The following MAP2K4 variants were observed in gnomAD, a reference collection of about 807,000 sequenced individuals.
The protein encoded by MAP2K4 is dual specificity mitogen-activated protein kinase kinase 4.
In MAP2K4, 4 loss-of-function variants were observed where a neutral mutation model predicts 48.5. The observed-to-expected ratio is 0.08, with a 90% confidence interval of 0.04 to 0.19. MAP2K4 has a LOEUF of 0.19. Ranked by LOEUF, MAP2K4 falls within the 10% of genes least tolerant of loss-of-function variation. The pLI is 1.00. For missense variants in MAP2K4, 258 were observed against 493.3 expected, an observed-to-expected ratio of 0.52 and a Z score of 4.52; for synonymous variants, 166 against 173.1, an observed-to-expected ratio of 0.96 and a Z score of 0.32.
intron 6 of MAP2K4, among the ~76,000 whole-genome samples, chr17:12,111,159 T>C (rs1390243238): frequency 2.0e-5 from 3 of 152,152 alleles, no homozygotes; most frequent in Non-Finnish European, 4.4e-5. Context: ...AGTGGCAGTG[T>C]GTGATTTAGC....
intron 7 of MAP2K4, among the ~76,000 whole-genome samples, chr17:12,114,530 A>G (rs948445177): frequency 6.6e-6 from 1 of 152,146 alleles, no homozygotes; most frequent in African/African-American, 2.4e-5. Flanking sequence ...CGTGATAACT[A>G]GGGATAAATG....
intron 7 of MAP2K4, chr17:12,125,088 G>T: frequency 1.8e-6 from 1 of 547,422 alleles, no homozygotes; most frequent in Non-Finnish European, 3.3e-6. Context: ...GAATTGCTTA[G>T]TGTTCTCTTT....
chr17:12,109,626 G>C (rs1332414566), intron 5 of MAP2K4, among the ~76,000 whole-genome samples: 1 of 152,186 alleles, frequency 6.6e-6, no homozygotes, highest in Non-Finnish European at 1.5e-5. Flanking sequence ...AATTCCCACA[G>C]TGGTGAACAG....
rs955821984 is a variant in MAP2K4 at position 12,081,656 on chromosome 17, C to G, written c.393+126C>G. 4.4e-6 allele frequency: 4 copies of G among 916,964 alleles called. No homozygotes were observed. The highest frequency in any genetic ancestry group is 3.3e-6 in the Non-Finnish European group (2 of 603,178). The allele number at this position is 916,964 out of a possible 1,614,324, so 56.8% of individuals were successfully genotyped here. On this transcript the variant is annotated intron_variant, in intron 3 of 10. Transcript: ENST00000353533. The surrounding 1 kb of genome is among the most constrained non-coding windows in gnomAD (Gnocchi z 4.2). ...GTGGGTGTTTAAAAAATTGTTTCTC[C>G]AACTCCTTTGAGGGTGTTCTGTGTA... is the stretch of plus-strand genomic sequence containing the variant.
chr17:12,107,382 CTT>C (rs71367383), intron 4 of MAP2K4, among the ~76,000 whole-genome samples: 22 of 106,390 alleles, frequency 2.1e-4, no homozygotes, highest in African/African-American at 3.6e-4. Context: ...TGTCTTTTTC[CTT>C]TTTTTTTTTT....
At position 12,104,564 on chromosome 17, in the gene MAP2K4, T is replaced by A. The variant is rs28923205; in HGVS notation, c.514-3226T>A. Among the ~76,000 whole-genome samples, 353 of 151,806 alleles carry A rather than the reference T, an allele frequency of 2.3e-3. 2 individuals carry two copies. Among genetic ancestry groups the A allele is most frequent in the African/African-American group, 6.7e-3 (278 of 41,428 alleles). On this transcript the variant is annotated intron_variant, in intron 4 of 10. Transcript: ENST00000353533. ...TTTTTACATGTATTTAGGCTTTTTTTAAAAAAAAATTGCCTTTGATATAAT... is the reference window on the plus strand; with the variant it reads ...TTTTTACATGTATTTAGGCTTTTTTAAAAAAAAAATTGCCTTTGATATAAT...
Position 12,141,329 on chromosome 17 carries a change from G to A in MAP2K4, c.*69G>A, listed in dbSNP as rs182465459. On this transcript the variant is annotated 3_prime_UTR_variant, in exon 11 of 11. Coordinates refer to ENST00000353533, the MANE Select transcript of MAP2K4 (RefSeq NM_003010.4). ...GCAAGACGTAAAGAATTTTCATCCC[G>A]TATCACAGTGTTTTTATTGCTCGCC... 29 of 1,078,420 alleles carry A rather than the reference G, an allele frequency of 2.7e-5. No individual in the cohort carries two copies. The East Asian group carries it at 3.5e-4, about 13-fold the overall frequency. The allele number at this position is 1,078,420 out of a possible 1,614,324, so 66.8% of individuals were successfully genotyped here.
chr17:12,082,506 C>CA (rs1487582705), intron 3 of MAP2K4, among the ~76,000 whole-genome samples: 4 of 152,248 alleles, frequency 2.6e-5, no homozygotes, highest in East Asian at 3.9e-4. Context: ...GAGAGTTTGT[C>CA]AGAGTGGTTG....
intron 1 of MAP2K4, chr17:12,021,447 C>T (rs1183841746): frequency 6.6e-6 from 1 of 151,936 alleles, no homozygotes; most frequent in East Asian, 1.9e-4. Context: ...GACAGCGGCC[C>T]CGGCCGGCGC....
intron 6 of MAP2K4, among the ~76,000 whole-genome samples, chr17:12,112,114 C>T (rs1370458409): frequency 3.3e-5 from 5 of 152,102 alleles, no homozygotes; most frequent in Non-Finnish European, 7.4e-5. Context: ...GCCAGGTTTT[C>T]GAGGTGTGGA....
rs781215455 is a variant in MAP2K4, at chr17:12,078,702, T to C, written c.219-2654T>C. Among the ~76,000 whole-genome samples the C allele has an allele frequency of 3.9e-5, 6 of 152,146 alleles. No individual in the cohort carries two copies. The South Asian group carries it at 1.2e-3, about 32-fold the overall frequency. ...TTTGTATTTTTCACCAATCTTCTCATTGGGTGTGTTTTCTACTGTTTATGT... is the reference window on the plus strand; with the variant it reads ...TTTGTATTTTTCACCAATCTTCTCACTGGGTGTGTTTTCTACTGTTTATGT... On this transcript the variant is annotated intron_variant, in intron 2 of 10. Coordinates refer to ENST00000353533, the MANE Select transcript of MAP2K4 (RefSeq NM_003010.4).
At position 12,107,811 on chromosome 17, in the gene MAP2K4, G is replaced by C. The variant is rs1972169556; in HGVS notation, c.535G>C (p.Glu179Gln). Residue 179 changes from glutamate (E) to glutamine (Q), a missense_variant, in exon 5 of 11, where the codon GAA (glutamate) becomes CAA (glutamine). This residue lies in a region of MAP2K4 where 132 missense variants were observed against 352.8 expected (regional missense o/e 0.37). Coordinates refer to ENST00000353533, the MANE Select transcript of MAP2K4 (RefSeq NM_003010.4). ...ATAGGGTGACTGTTGGATCTGTATG[G>C]AACTCATGTCTACCTCGTTTGATAA... ...FREGDCWICM[E>Q]LMSTSFDKFY... is the part of the protein sequence containing the mutation. The C allele has an allele frequency of 6.2e-7, 1 of 1,604,030 alleles. No individual in the cohort carries two copies. The highest frequency in any genetic ancestry group is 1.3e-5 in the African/African-American group (1 of 74,364).
Position 12,069,749 on chromosome 17 carries a change from C to T in MAP2K4, c.219-11607C>T, listed in dbSNP as rs190564034. On this transcript the variant is annotated intron_variant, in intron 2 of 10. Transcript: ENST00000353533. ...AGACCGAGTTTACTGTGGAAATTTC[C>T]GGAATTAACAGAGCTGCATTGCAGA... The T allele has an allele frequency of 2.0e-3, 2,225 of 1,106,944 alleles. 4 individuals carry two copies. Among genetic ancestry groups the T allele is most frequent in the Non-Finnish European group, 2.4e-3 (2,102 of 888,122 alleles). 68.6% of individuals were successfully genotyped at this position (1,106,944 alleles called of 1,614,324 possible).
intron 1 of MAP2K4, among the ~76,000 whole-genome samples, chr17:12,035,256 G>C (rs1370557408): frequency 2.0e-5 from 3 of 152,224 alleles, no homozygotes; most frequent in Non-Finnish European, 4.4e-5. Flanking sequence ...GGTGGCTCAT[G>C]CCTGTAATCC....
chr17:12,132,125 A>G (rs1597501005), intron 9 of MAP2K4, among the ~76,000 whole-genome samples: 1 of 152,360 alleles, frequency 6.6e-6, no homozygotes, highest in South Asian at 2.1e-4. Context: ...AGTCTCATAC[A>G]TAACTTGTAG....
intron 9 of MAP2K4, among the ~76,000 whole-genome samples, chr17:12,131,365 C>T (rs1667525642): frequency 1.3e-5 from 2 of 151,832 alleles, no homozygotes; most frequent in Non-Finnish European, 2.9e-5. Context: ...TCTGCCTCAG[C>T]CTCCTGAGTA....
intron 3 of MAP2K4, 63 bp from the exon 4 acceptor site, chr17:12,095,512 A>C: frequency 6.2e-7 from 1 of 1,600,316 alleles, no homozygotes; most frequent in Non-Finnish European, 8.5e-7. Flanking sequence ...TGAGACTAAA[A>C]ATTATTGGTG....
At chr17:12,076,315 G>GTGTA (rs1398392410) in intron 2 of MAP2K4, among the ~76,000 whole-genome samples, 46 of 150,166 alleles carry the variant, frequency 3.1e-4, no homozygotes, top group Admixed American at 1.9e-3. Flanking sequence ...GTGTGTGTGT[G>GTGTA]TGTGTGTGTG....
intron 9 of MAP2K4, among the ~76,000 whole-genome samples, chr17:12,134,284 G>A (rs775104657): frequency 8.5e-5 from 13 of 152,118 alleles, no homozygotes; most frequent in South Asian, 2.1e-4. Context: ...TCAGTGATTC[G>A]GAGAATTGTA....
Sources: allele counts gnomAD v4.1 joint callset (sites outside exome capture counted in the v4.1 genomes callset), GRCh38; gene constraint gnomAD v4.1.1; regional missense constraint gnomAD v4.1.1; non-coding constraint Gnocchi (gnomAD v3.1); transcripts MANE v1.5; gene names NCBI Gene and HGNC (gene_info 2026-07-23, HGNC 2026-07-21).